The following AOAH variants were observed in gnomAD, a reference collection of about 807,000 sequenced individuals.
AOAH encodes acyloxyacyl hydrolase (neutrophil).
AOAH carries 64 observed loss-of-function variants against 92.2 expected under a neutral mutation model. The observed-to-expected ratio is 0.69, with a 90% CI of 0.57 to 0.86. The LOEUF is 0.86. Ranked by LOEUF, AOAH falls within the 40% of genes least tolerant of loss-of-function variation. The probability of loss-of-function intolerance (pLI) is 0.00; values close to 1 mark genes in which losing one functional copy is unlikely to be tolerated. For missense variants in AOAH, 656 were observed against 694.6 expected, an observed-to-expected ratio of 0.94 and a Z score of 0.62; for synonymous variants, 263 against 254.5, an observed-to-expected ratio of 1.03 and a Z score of -0.32.
rs564621503 is a variant in AOAH, at chr7:36,668,186, GA to G, written c.290+5756del. Among the ~76,000 whole-genome samples, 174 of 149,856 alleles carry G rather than the reference GA, an allele frequency of 1.2e-3. 2 individuals carry two copies. The highest frequency in any genetic ancestry group is 4.1e-3 in the African/African-American group (170 of 41,270). On this transcript the variant is annotated intron_variant, in intron 3 of 20. Transcript: ENST00000617537. The stretch of plus-strand genomic sequence containing the variant: ...CTCACTCCTACCATCAGAAACATGA[GA>G]GGTTTTTGTGTGTGTGTGTGTGTCT...
At chr7:36,549,197 T>C (rs1287092628) in intron 14 of AOAH, among the ~76,000 whole-genome samples, 1 of 152,214 alleles carries the variant, frequency 6.6e-6, no homozygotes, top group Non-Finnish European at 1.5e-5. Flanking sequence ...GACATCATCC[T>C]TTTGTCTGTC....
intron 4 of AOAH, among the ~76,000 whole-genome samples, chr7:36,643,568 T>C (rs539655887): frequency 7.2e-5 from 11 of 152,194 alleles, no homozygotes; most frequent in Admixed American, 2.0e-4. Context: ...AAAGAAGTAT[T>C]CTTCCATTCA....
At chr7:36,704,027 G>A (rs931686467) in intron 1 of AOAH, among the ~76,000 whole-genome samples, 1 of 152,004 alleles carries the variant, frequency 6.6e-6, no homozygotes, top group African/African-American at 2.4e-5. Flanking sequence ...TTACCATGTG[G>A]TGTTATTTTC....
chr7:36,607,290 T>C lies in AOAH; in HGVS notation c.846+9090A>G, dbSNP rs536101946. ...CCCATTATGAAACAATGCCCACTTG[T>C]TTTTCTACAGCATTTACTGTGCTTG... On this transcript the variant is annotated intron_variant, in intron 11 of 20. Coordinates refer to ENST00000617537, the MANE Select transcript of AOAH (RefSeq NM_001637.4). Among the ~76,000 whole-genome samples, 11 of 152,278 alleles carry C rather than the reference T, an allele frequency of 7.2e-5. No individual in the cohort carries two copies. In the East Asian group the frequency reaches 2.1e-3, roughly 29 times the overall value.
chr7:36,591,069 T>C (rs962481223), intron 12 of AOAH, among the ~76,000 whole-genome samples: 8 of 147,346 alleles, frequency 5.4e-5, no homozygotes, highest in African/African-American at 1.7e-4. Context: ...GGGGAATCCA[T>C]TGCAACTCAG....
intron 3 of AOAH, among the ~76,000 whole-genome samples, chr7:36,667,794 T>C (rs1795637240): frequency 6.6e-6 from 1 of 152,246 alleles, no homozygotes; most frequent in South Asian, 2.1e-4. Context: ...CACTTTATCA[T>C]TATGTAACTC....
rs750287581 is a variant in AOAH at position 36,516,172 on chromosome 7, CA to C, written c.1600-2793del. On this transcript the variant is annotated intron_variant, in intron 20 of 20. Transcript: ENST00000617537. The surrounding 1 kb of genome is among the most constrained non-coding windows in gnomAD (Gnocchi z 5.0). ...TCTCACACACACACACCACACACCCCATACCACACATACATACATCTCTCTT... is the reference window on the plus strand; with the variant it reads ...TCTCACACACACACACCACACACCCCTACCACACATACATACATCTCTCTT... 6.7e-6 allele frequency among the ~76,000 whole-genome samples: 1 copy of C among 149,622 alleles called. No homozygotes were observed. Among genetic ancestry groups the C allele is most frequent in the Non-Finnish European group, 1.5e-5 (1 of 67,172 alleles).
intron 3 of AOAH, among the ~76,000 whole-genome samples, chr7:36,662,835 A>T (rs1795299846): frequency 6.6e-6 from 1 of 152,202 alleles, no homozygotes; most frequent in African/African-American, 2.4e-5. Context: ...GGGGAACTGG[A>T]CATGTGGTGT....
chr7:36,558,374 G>A (rs552660618), intron 13 of AOAH, among the ~76,000 whole-genome samples: 1 of 152,330 alleles, frequency 6.6e-6, no homozygotes, highest in Non-Finnish European at 1.5e-5. Context: ...ACCCGGCCGT[G>A]TGAGGTGTCA....
intron 11 of AOAH, among the ~76,000 whole-genome samples, chr7:36,616,000 A>G (rs1006884771): frequency 6.6e-6 from 1 of 152,104 alleles, no homozygotes; most frequent in Admixed American, 6.5e-5. Context: ...TCAGGAGCCG[A>G]GCAGCCTGCT....
rs955758584 is a variant in AOAH at position 36,531,892 on chromosome 7, G to A, written c.1425+255C>T. 4.0e-5 allele frequency among the ~76,000 whole-genome samples: 6 copies of A among 151,776 alleles called. No homozygotes were observed. The East Asian group carries it at 1.2e-3, about 29-fold the overall frequency. ...TGTGCGTGTGCACAGGGGAGGGTGTGTACACACATGTGTACACACGAGAGA... is the reference window on the plus strand; with the variant it reads ...TGTGCGTGTGCACAGGGGAGGGTGTATACACACATGTGTACACACGAGAGA... On this transcript the variant is annotated intron_variant, in intron 18 of 20. Coordinates refer to ENST00000617537, the MANE Select transcript of AOAH (RefSeq NM_001637.4).
chr7:36,518,009 G>C (rs73338594), intron 20 of AOAH, among the ~76,000 whole-genome samples: 4,212 of 151,608 alleles, frequency 0.028, 199 homozygotes, highest in African/African-American at 0.097. Context: ...ATATCATTTT[G>C]TAATCTGCTC....
chr7:36,643,064 T>C (rs1445137528), intron 4 of AOAH, among the ~76,000 whole-genome samples: 2 of 152,232 alleles, frequency 1.3e-5, no homozygotes, highest in Non-Finnish European at 2.9e-5. Context: ...GTTTTTATTT[T>C]GGTTTGTAAT....
chr7:36,615,648 G>A (rs568060228), intron 11 of AOAH, among the ~76,000 whole-genome samples: 2 of 152,292 alleles, frequency 1.3e-5, no homozygotes, highest in African/African-American at 2.4e-5. Flanking sequence ...AATTTGAGAG[G>A]AAGATAATGG....
At chr7:36,713,095 T>C (rs1046855060) in intron 1 of AOAH, among the ~76,000 whole-genome samples, 1 of 152,064 alleles carries the variant, frequency 6.6e-6, no homozygotes, top group African/African-American at 2.4e-5. Context: ...CCATCTCACA[T>C]GCAGAAACAC....
At chr7:36,681,919 A>G (rs1385858651) in intron 2 of AOAH, among the ~76,000 whole-genome samples, 1 of 152,236 alleles carries the variant, frequency 6.6e-6, no homozygotes. Flanking sequence ...AGGTGAGAAT[A>G]AACCACTTCG....
intron 11 of AOAH, among the ~76,000 whole-genome samples, chr7:36,615,399 G>T (rs1040915063): frequency 1.3e-5 from 2 of 152,318 alleles, no homozygotes; most frequent in East Asian, 1.9e-4. Flanking sequence ...TTCGAACAAG[G>T]TTTGCTGAGG....
intron 4 of AOAH, among the ~76,000 whole-genome samples, chr7:36,642,136 C>A (rs755464775): frequency 1.3e-4 from 19 of 151,998 alleles, no homozygotes; most frequent in Non-Finnish European, 2.8e-4. Flanking sequence ...AGAGTCATTG[C>A]AGGTGTAATT....
intron 1 of AOAH, among the ~76,000 whole-genome samples, chr7:36,701,762 G>A (rs564212389): frequency 3.7e-4 from 56 of 151,898 alleles, no homozygotes; most frequent in African/African-American, 1.3e-3. Context: ...TCATGTTGTC[G>A]TTGATTGAAG....
Sources: gnomAD v4.1 joint callset for allele counts (sites outside exome capture counted in the v4.1 genomes callset) on GRCh38, gnomAD v4.1.1 for gene constraint, Gnocchi (gnomAD v3.1) non-coding constraint, MANE v1.5 for transcripts, NCBI Gene and HGNC (gene_info 2026-07-23, HGNC 2026-07-21) for gene names.